Variants in DDC observed in about 807,000 individuals in gnomAD.
DDC encodes dopa decarboxylase, also known as aromatic-L-amino-acid decarboxylase.
In DDC, 43 loss-of-function variants were observed where a neutral mutation model predicts 60.0. The observed-to-expected ratio is 0.72, with a 90% confidence interval of 0.56 to 0.92. DDC has a LOEUF of 0.92. Ranked by LOEUF, DDC falls within the 40% of genes least tolerant of loss-of-function variation. The pLI, the probability that DDC is intolerant of heterozygous loss-of-function variation, is 0.00. For synonymous variants in DDC, 232 were observed against 234.6 expected (o/e 0.99, Z 0.10); for missense variants, 573 against 620.2 (o/e 0.92, Z 0.81).
chr7:50,466,686 G>A (rs1417861660), intron 13 of DDC, among the ~76,000 whole-genome samples: 2 of 152,104 alleles, frequency 1.3e-5, no homozygotes, highest in Non-Finnish European at 2.9e-5. Flanking sequence ...GCCCTCACCT[G>A]GTGAATGCAC....
At chr7:50,518,334 T>C (rs908832882) in intron 6 of DDC, among the ~76,000 whole-genome samples, 1 of 151,812 alleles carries the variant, frequency 6.6e-6, no homozygotes, top group African/African-American at 2.4e-5. Context: ...ACAAATGCAA[T>C]GCAATCCCCA....
intron 9 of DDC, among the ~76,000 whole-genome samples, chr7:50,484,711 G>A (rs772549165): frequency 3.9e-5 from 6 of 152,170 alleles, no homozygotes; most frequent in Non-Finnish European, 7.3e-5. Flanking sequence ...CTCACATGGT[G>A]ACCTCACCTG....
intron 13 of DDC, among the ~76,000 whole-genome samples, chr7:50,463,655 G>T (rs1175514851): frequency 6.6e-6 from 1 of 152,114 alleles, no homozygotes; most frequent in Non-Finnish European, 1.5e-5. Context: ...TCTATATTCT[G>T]ATGTGCCATC....
chr7:50,460,291 G>A (rs1395300746), intron 14 of DDC, among the ~76,000 whole-genome samples: 2 of 145,600 alleles, frequency 1.4e-5, no homozygotes, highest in African/African-American at 5.2e-5. Flanking sequence ...GGGCGCCTCT[G>A]CCCGGCCGCC....
chr7:50,512,576 A>G (rs1430128308), intron 6 of DDC, among the ~76,000 whole-genome samples: 2 of 152,254 alleles, frequency 1.3e-5, no homozygotes, highest in Non-Finnish European at 2.9e-5. Context: ...TCCCTGGAGC[A>G]GCTTGCACAG....
intron 1 of DDC, among the ~76,000 whole-genome samples, chr7:50,553,669 T>C (rs1208345017): frequency 6.6e-6 from 1 of 151,848 alleles, no homozygotes; most frequent in Non-Finnish European, 1.5e-5. Context: ...GTATTTTTAG[T>C]AGAGATGGGG....
In DDC at chr7:50,475,034, G is replaced by T. The variant is rs1384867470; in HGVS notation, c.1041+1590C>A. Among the ~76,000 whole-genome samples, 4 of 152,116 alleles carry T rather than the reference G, an allele frequency of 2.6e-5. No homozygotes were observed. The East Asian group carries it at 7.7e-4, about 29-fold the overall frequency. The stretch of plus-strand genomic sequence containing the variant: ...GGAAATAATTATACCATATAACATG[G>T]GATTCTGTGTAGATTTTCTGTACTT... On this transcript the variant is annotated intron_variant, in intron 11 of 14. Coordinates refer to ENST00000444124, the MANE Select transcript of DDC (RefSeq NM_001082971.2).
chr7:50,470,289 G>A, intron 11 of DDC, 118 bp from the exon 12 acceptor site: 2 of 761,154 alleles, frequency 2.6e-6, no homozygotes, highest in Non-Finnish European at 4.7e-6. Flanking sequence ...TGGCCAACCT[G>A]CTCCCATTGC....
chr7:50,557,655 C>G (rs1371406278), intron 1 of DDC, among the ~76,000 whole-genome samples: 1 of 152,206 alleles, frequency 6.6e-6, no homozygotes, highest in Non-Finnish European at 1.5e-5. Flanking sequence ...CACCATCCAT[C>G]CCCACTTTGC....
chr7:50,478,064 T>C (rs2153535836), intron 10 of DDC, among the ~76,000 whole-genome samples: 1 of 151,636 alleles, frequency 6.6e-6, no homozygotes, highest in East Asian at 1.9e-4. Context: ...ATACAAAAAA[T>C]TATCTGGGCC....
chr7:50,500,231 C>G (rs1022655113), intron 7 of DDC, among the ~76,000 whole-genome samples: 4 of 151,944 alleles, frequency 2.6e-5, no homozygotes, highest in African/African-American at 7.3e-5. Flanking sequence ...ATGGATTCAC[C>G]GTTCACTCAC....
intron 9 of DDC, among the ~76,000 whole-genome samples, chr7:50,481,376 T>C (rs943926130): frequency 2.0e-5 from 3 of 151,938 alleles, no homozygotes; most frequent in African/African-American, 7.3e-5. Flanking sequence ...TGGGGGGAGG[T>C]CCTTTGGGTC....
intron 1 of DDC, among the ~76,000 whole-genome samples, chr7:50,553,103 A>T (rs1163988045): frequency 2.6e-5 from 4 of 152,224 alleles, no homozygotes; most frequent in Non-Finnish European, 5.9e-5. Context: ...CATCCACGCC[A>T]CTGTGCATGT....
Position 50,463,423 on chromosome 7 carries a change from G to T in DDC, c.1251C>A (p.Asn417Lys). The T allele has an allele frequency of 1.9e-6, 3 of 1,614,054 alleles. No homozygotes were observed. Among genetic ancestry groups the T allele is most frequent in the Non-Finnish European group, 2.5e-6 (3 of 1,179,928 alleles). ...GLVCFRLKGS[N>K]KVNEALLQRI... is the part of the protein sequence containing the mutation. ...TTTGCAGAAGAGCTTCATTCACTTT[G>T]TTGGAACCCTGGAGGGATTGAAAGA... The change falls in exon 14 of 15, where the codon AAC becomes AAA. Residue 417 changes from asparagine (N) to lysine (K), a missense_variant. Asn to Lys is a moderately conservative substitution (Grantham distance 94). Transcript: ENST00000444124.
chr7:50,465,424 G>A (rs151065079), intron 13 of DDC, among the ~76,000 whole-genome samples: 1,874 of 151,834 alleles, frequency 0.012, 43 homozygotes, highest in African/African-American at 0.041. Context: ...AGGCTGGAGC[G>A]CAGTAGCACA....
chr7:50,461,965 C>T (rs528031027), intron 14 of DDC, among the ~76,000 whole-genome samples: 1 of 152,172 alleles, frequency 6.6e-6, no homozygotes, highest in Non-Finnish European at 1.5e-5. Context: ...GAGCCATGGA[C>T]AGGTCTATCA....
intron 4 of DDC, among the ~76,000 whole-genome samples, chr7:50,532,783 T>C (rs1217898954): frequency 6.6e-6 from 1 of 152,244 alleles, no homozygotes; most frequent in African/African-American, 2.4e-5. Context: ...AGGAATCATC[T>C]GCTGAAAAAA....
chr7:50,560,134 C>T (rs1356811565), intron 1 of DDC, among the ~76,000 whole-genome samples: 1 of 152,162 alleles, frequency 6.6e-6, no homozygotes, highest in Non-Finnish European at 1.5e-5. Flanking sequence ...ACTCCGGTGC[C>T]CCCAGCAAAA....
intron 10 of DDC, chr7:50,477,501 A>C (rs919397919): frequency 8.8e-6 from 4 of 456,396 alleles, no homozygotes; most frequent in African/African-American, 8.0e-5. Flanking sequence ...GGCCCTGACC[A>C]TGCTCAGCTG....
Sources: gnomAD v4.1 joint callset for allele counts (sites outside exome capture counted in the v4.1 genomes callset) on GRCh38, gnomAD v4.1.1 for gene constraint, MANE v1.5 for transcripts, NCBI Gene and HGNC (gene_info 2026-07-23, HGNC 2026-07-21) for gene names.